The following GARNL3 variants were observed in gnomAD, a reference collection of about 807,000 sequenced individuals.
The protein encoded by GARNL3 is GTPase-activating Rap/Ran-GAP domain-like protein 3.
In GARNL3, 63 loss-of-function variants were observed where a neutral mutation model predicts 125.0. That is an observed-to-expected ratio of 0.50 (90% CI 0.41 to 0.62). GARNL3 has a LOEUF of 0.62. GARNL3 is among the 20% of genes least tolerant of loss of function. GARNL3 has a pLI of 0.00. For synonymous variants in GARNL3, 439 were observed against 457.5 expected, an observed-to-expected ratio of 0.96 and a Z score of 0.52; for missense variants, 994 against 1,244.0, an observed-to-expected ratio of 0.80 and a Z score of 3.02.
At chr9:127,378,927 C>T (rs1348529031) in intron 22 of GARNL3, among the ~76,000 whole-genome samples, 1 of 152,150 alleles carries the variant, frequency 6.6e-6, no homozygotes, top group East Asian at 1.9e-4. Flanking sequence ...AGGTCCCCAC[C>T]ACTAGGTCCG....
At chr9:127,335,450 A>G in intron 10 of GARNL3, 117 bp downstream of exon 10, 2 of 787,404 alleles carry the variant, frequency 2.5e-6, no homozygotes, top group South Asian at 1.6e-5. Context: ...GTGGCCACCA[A>G]TTTAGGGATG....
Position 127,355,290 on chromosome 9 carries a change from C to A in GARNL3, c.1760-7C>A. 1.2e-6 allele frequency: 2 copies of A among 1,612,914 alleles called. No individual in the cohort carries two copies. Among genetic ancestry groups the A allele is most frequent in the Non-Finnish European group, 1.7e-6 (2 of 1,179,002 alleles). On this transcript the variant is annotated splice_region_variant and splice_polypyrimidine_tract_variant and intron_variant, in intron 19 of 27. Coordinates refer to ENST00000373387, the MANE Select transcript of GARNL3 (RefSeq NM_032293.5). The stretch of plus-strand genomic sequence containing the variant: ...ATGTGTAAGGCATCATTTCTTTCTC[C>A]TCCCAGGCTGCCACCTGTATGCTAT...
At position 127,318,043 on chromosome 9, in the gene GARNL3, T is replaced by G. The variant is rs377114526; in HGVS notation, c.439-20T>G. ...GAAGTTGTAGAACTTGTCACTGATTTGATGTTTGGACTTTTCCAGGGTACC... is the reference window on the plus strand; with the variant it reads ...GAAGTTGTAGAACTTGTCACTGATTGGATGTTTGGACTTTTCCAGGGTACC... On this transcript the variant is annotated intron_variant, in intron 4 of 27. Coordinates refer to ENST00000373387, the MANE Select transcript of GARNL3 (RefSeq NM_032293.5). 1.1e-4 allele frequency: 160 copies of G among 1,522,730 alleles called. No individual in the cohort carries two copies. The African/African-American group carries it at 2.1e-3, about 20-fold the overall frequency. 94.3% of individuals were successfully genotyped at this position (1,522,730 alleles called of 1,614,324 possible).
At chr9:127,246,537 G>A (rs1291278113) in intron 2 of GARNL3, among the ~76,000 whole-genome samples, 1 of 152,162 alleles carries the variant, frequency 6.6e-6, no homozygotes, top group East Asian at 1.9e-4. Flanking sequence ...CAGGAGCGGT[G>A]GCTTATGCCC....
At chr9:127,391,082 C>T (rs1461069462) in intron 27 of GARNL3, among the ~76,000 whole-genome samples, 5 of 151,996 alleles carry the variant, frequency 3.3e-5, no homozygotes, top group Non-Finnish European at 7.4e-5. Context: ...GTCAGGAGTT[C>T]GAGACTAGGC....
chr9:127,376,577 G>GCTTT (rs58810186), intron 22 of GARNL3, among the ~76,000 whole-genome samples: 8,483 of 151,750 alleles, frequency 0.056, 469 homozygotes, highest in East Asian at 0.2. Flanking sequence ...ATAGTGGACA[G>GCTTT]CTTTCTTTCT....
intron 2 of GARNL3, among the ~76,000 whole-genome samples, chr9:127,298,203 G>A (rs2064666048): frequency 1.3e-5 from 2 of 152,134 alleles, no homozygotes; most frequent in Non-Finnish European, 2.9e-5. Context: ...TTGAGACGAA[G>A]TCTTGGCTCT....
intron 20 of GARNL3, among the ~76,000 whole-genome samples, chr9:127,356,102 G>A (rs1482000667): frequency 6.6e-6 from 1 of 152,232 alleles, no homozygotes; most frequent in African/African-American, 2.4e-5. Flanking sequence ...AAAGACTTCG[G>A]CCTTGACTCT....
In GARNL3 at chr9:127,345,287, C is replaced by T. The variant is rs571663592; in HGVS notation, c.1357-116C>T. On this transcript the variant is annotated intron_variant, in intron 15 of 27. Coordinates refer to ENST00000373387, the MANE Select transcript of GARNL3 (RefSeq NM_032293.5). ...TGATTAACAAGTCAGTAGAGGAACC[C>T]GAAATGTTAGCCTGCAATTACTCCT... 7.0e-4 allele frequency: 403 copies of T among 573,254 alleles called. 1 individual carries two copies. The African/African-American group carries it at 7.3e-3, about 10-fold the overall frequency. 35.5% of individuals were successfully genotyped at this position (573,254 alleles called of 1,614,324 possible).
rs751117341 is a variant in GARNL3 at position 127,387,231 on chromosome 9, G to T, written c.2427G>T (p.Glu809Asp). The T allele has an allele frequency of 5.0e-6, 8 of 1,614,042 alleles. No individual in the cohort carries two copies. Among genetic ancestry groups the T allele is most frequent in the Non-Finnish European group, 6.8e-6 (8 of 1,179,992 alleles). Residue 809 changes from glutamate to aspartate, a missense_variant, in exon 25 of 28, where the codon GAG becomes GAT. Glu to Asp is a conservative substitution (Grantham distance 45). This residue lies in a region of GARNL3 where 728 missense variants were observed against 865.7 expected (regional missense o/e 0.84). Coordinates refer to ENST00000373387, the MANE Select transcript of GARNL3 (RefSeq NM_032293.5). ...TCACAGCAACTGCAGCTGTGAATGA[G>T]GTCTCATCTGGAGGCAGCTCCAAGG... ...IYFTATAAVN[E>D]VSSGGSSKGA...
At chr9:127,323,040 C>T (rs1405738783) in intron 6 of GARNL3, among the ~76,000 whole-genome samples, 3 of 152,236 alleles carry the variant, frequency 2.0e-5, no homozygotes, top group Admixed American at 2.0e-4. Flanking sequence ...TAAAACACTT[C>T]TAGGTTTAAA....
chr9:127,291,160 C>T lies in GARNL3; in HGVS notation c.145-8C>T, dbSNP rs201681433. 2 of 1,613,408 alleles carry T rather than the reference C, an allele frequency of 1.2e-6. No individual in the cohort carries two copies. Among genetic ancestry groups the T allele is most frequent in the African/African-American group, 1.3e-5 (1 of 74,962 alleles). On this transcript the variant is annotated splice_region_variant and splice_polypyrimidine_tract_variant and intron_variant, in intron 1 of 27. Coordinates refer to ENST00000373387, the MANE Select transcript of GARNL3 (RefSeq NM_032293.5). ...ATGCTTCCTAATTGAATGCTTTTTC[C>T]CCCCTAGCTTATTTCCAGTGATGCT... is the stretch of plus-strand genomic sequence containing the variant.
chr9:127,349,015 C>G lies in GARNL3; in HGVS notation c.1523C>G (p.Ala508Gly), dbSNP rs767950799. 2 of 1,612,970 alleles carry G rather than the reference C, an allele frequency of 1.2e-6. No homozygotes were observed. Among genetic ancestry groups the G allele is most frequent in the East Asian group, 2.2e-5 (1 of 44,894 alleles). The stretch of plus-strand genomic sequence containing the variant: ...CAGGCCTTGCTGGTTTCCACTGATG[C>G]TGGCGTCTTGCTAGTGGATGGTTAG... ...WGQALLVSTDAGVLLVDDDLP... is the reference protein window; with the variant it reads ...WGQALLVSTDGGVLLVDDDLP... Residue 508 changes from alanine (A) to glycine (G), a missense_variant, in exon 17 of 28, where the codon GCT becomes GGT. Ala to Gly is a moderately conservative substitution (Grantham distance 60). Coordinates refer to ENST00000373387, the MANE Select transcript of GARNL3 (RefSeq NM_032293.5).
rs747562045 is a variant in GARNL3 at position 127,354,388 on chromosome 9, A to G, written c.1737A>G (p.Glu579=). 9.3e-6 allele frequency: 15 copies of G among 1,611,726 alleles called. No homozygotes were observed. In the African/African-American group the frequency reaches 2.0e-4, roughly 22 times the overall value. The change falls in exon 19 of 28, where the codon GAA becomes GAG. Residue 579 remains glutamate, a synonymous_variant. Transcript: ENST00000373387. ...QAGKSRSDCR[E]NKLEKTKGCH... is the part of the protein sequence containing the mutation. ...GGAAGAGCAGGTCTGACTGCAGAGAAAACAAGTTGGAGAAAACAAAAGGTG... is the reference window on the plus strand; with the variant it reads ...GGAAGAGCAGGTCTGACTGCAGAGAGAACAAGTTGGAGAAAACAAAAGGTG...
chr9:127,321,566 G>A (rs1348447638), intron 6 of GARNL3, among the ~76,000 whole-genome samples: 1 of 152,230 alleles, frequency 6.6e-6, no homozygotes, highest in East Asian at 1.9e-4. Context: ...ACTGTTAAGG[G>A]AAAACAATCT....
chr9:127,243,144 T>C (rs765483710), exon 2 of GARNL3: 19 of 1,365,974 alleles, frequency 1.4e-5, no homozygotes, highest in Middle Eastern at 4.2e-4. Context: ...GGGAGTCAGA[T>C]AGCACAAACC....
chr9:127,263,721 A>T (rs2063641506), upstream of GARNL3: 1 of 1,189,694 alleles, frequency 8.4e-7, no homozygotes, highest in Non-Finnish European at 1.0e-6. Context: ...GCATGCATTG[A>T]TGTGTTGCCC....
At chr9:127,305,201 G>A (rs1183901755) in intron 2 of GARNL3, among the ~76,000 whole-genome samples, 1 of 151,508 alleles carries the variant, frequency 6.6e-6, no homozygotes, top group East Asian at 2.0e-4. Context: ...TCTAGGTAAT[G>A]GTTATGAGGG....
At chr9:127,354,147 C>T (rs1312403318) in intron 18 of GARNL3, 147 bp from the exon 19 acceptor site, 4 of 688,386 alleles carry the variant, frequency 5.8e-6, no homozygotes, top group African/African-American at 3.6e-5. Context: ...TACGTAATTG[C>T]ATTGTCAGGT....
Sources: allele counts gnomAD v4.1 joint callset (sites outside exome capture counted in the v4.1 genomes callset), GRCh38; gene constraint gnomAD v4.1.1; regional missense constraint gnomAD v4.1.1; transcripts MANE v1.5; gene names NCBI Gene and HGNC (gene_info 2026-07-23, HGNC 2026-07-21).